The following PASD1 variants were observed in gnomAD, a reference collection of about 807,000 sequenced individuals.
The protein encoded by PASD1 is PAS domain containing repressor 1, also known as circadian clock protein PASD1.
PASD1 carries 13 observed loss-of-function variants against 58.8 expected under a neutral mutation model. The ratio of observed to expected loss-of-function variants is 0.22; its 90% CI spans 0.14 to 0.35. The LOEUF is 0.35. Among genes scored for constraint, PASD1 ranks in the 10% least tolerant of loss-of-function variants. The pLI is 1.00. For missense variants in PASD1, 734 were observed against 568.3 expected, an observed-to-expected ratio of 1.29 and a Z score of -2.96; for synonymous variants, 236 against 216.7, an observed-to-expected ratio of 1.09 and a Z score of -0.78.
intron 15 of PASD1, among the ~76,000 whole-genome samples, 186 bp downstream of exon 15, chrX:151,674,372 G>A (rs989576318): frequency 8.9e-6 from 1 of 112,125 alleles, no homozygotes; most frequent in Non-Finnish European, 1.9e-5. Flanking sequence ...TTCTCTACAG[G>A]GTTCCTCAAA....
chrX:151,577,561 G>T (rs968526262), intron 1 of PASD1, among the ~76,000 whole-genome samples: 1 of 111,613 alleles, frequency 9.0e-6, no homozygotes, highest in South Asian at 3.8e-4. Flanking sequence ...GTCTTGCTCT[G>T]TTGCCCAGGC....
chrX:151,612,266 A>G (rs2013574364), intron 4 of PASD1, among the ~76,000 whole-genome samples: 1 of 98,415 alleles, frequency 1.0e-5, no homozygotes, highest in African/African-American at 3.8e-5. Flanking sequence ...GAATAGTGCC[A>G]CAGTAAACAT....
chrX:151,642,267 G>GT (rs1406117329), intron 8 of PASD1, among the ~76,000 whole-genome samples: 2 of 111,513 alleles, frequency 1.8e-5, no homozygotes, highest in African/African-American at 6.5e-5. Context: ...ACCTGCTCGT[G>GT]TTTTTTCAAA....
chrX:151,588,566 A>C (rs1023813594), intron 1 of PASD1, among the ~76,000 whole-genome samples: 1 of 111,377 alleles, frequency 9.0e-6, no homozygotes, highest in Non-Finnish European at 1.9e-5. Context: ...GAGGGAGGAC[A>C]GACTGATCTG....
chrX:151,570,324 T>C (rs1292220147), intron 1 of PASD1, among the ~76,000 whole-genome samples: 2 of 112,420 alleles, frequency 1.8e-5, no homozygotes. Context: ...TTCACAGCCA[T>C]GTAAAATAGA....
At chrX:151,622,864 A>G (rs1388212311) in intron 6 of PASD1, 73 bp from the exon 7 acceptor site, 26 of 1,063,765 alleles carry the variant, frequency 2.4e-5, no homozygotes. Context: ...CAGCACATGG[A>G]TGTGTCAGGT....
chrX:151,624,883 A>G (rs1272204364), intron 7 of PASD1, among the ~76,000 whole-genome samples: 3 of 112,037 alleles, frequency 2.7e-5, no homozygotes, highest in Non-Finnish European at 5.6e-5. Flanking sequence ...CAGTTGCCCC[A>G]TTCATTATTC....
chrX:151,613,952 T>C (rs1414289756), intron 4 of PASD1, among the ~76,000 whole-genome samples: 1 of 111,019 alleles, frequency 9.0e-6, no homozygotes, highest in African/African-American at 3.3e-5. Context: ...TCCTTATTCT[T>C]ACTATAACTT....
At chrX:151,608,430 A>G (rs943753992) in intron 3 of PASD1, among the ~76,000 whole-genome samples, 1 of 111,586 alleles carries the variant, frequency 9.0e-6, no homozygotes, top group Non-Finnish European at 1.9e-5. Flanking sequence ...AGATTCTGGA[A>G]ACGAATCACT....
rs191056517 is a variant in PASD1, at chrX:151,640,665, A to G, written c.630-7950A>G. ...ATTTCTCCTGGAATGAATTTTCCAC[A>G]AATATATGATGGGGAACTGTGTAGC... On this transcript the variant is annotated intron_variant, in intron 8 of 15. Transcript: ENST00000370357. Among the ~76,000 whole-genome samples the G allele has an allele frequency of 3.0e-3, 338 of 111,801 alleles. 3 individuals are homozygous for G. The highest frequency in any genetic ancestry group is 5.3e-3 in the Non-Finnish European group (284 of 53,149).
At chrX:151,575,350 T>C (rs2012988304) in intron 1 of PASD1, among the ~76,000 whole-genome samples, 1 of 111,033 alleles carries the variant, frequency 9.0e-6, no homozygotes, top group South Asian at 3.9e-4. Context: ...TCTCTTACCT[T>C]TATTTTCAGT....
chrX:151,655,298 A>G (rs7051671), intron 9 of PASD1, among the ~76,000 whole-genome samples: 28,116 of 101,987 alleles, frequency 0.28, 4,551 homozygotes, highest in Middle Eastern at 0.44. Flanking sequence ...ATTGTGAATA[A>G]TGCCACAATA....
At chrX:151,608,444 T>G (rs1261019731) in intron 3 of PASD1, among the ~76,000 whole-genome samples, 1 of 111,775 alleles carries the variant, frequency 8.9e-6, no homozygotes, top group Non-Finnish European at 1.9e-5. Context: ...AATCACTTGC[T>G]AGTTATGTGT....
In PASD1 at chrX:151,672,204, C is replaced by G. The variant is rs1368157438; in HGVS notation, c.1459C>G (p.Gln487Glu). 17 of 1,157,412 alleles carry G rather than the reference C, an allele frequency of 1.5e-5. No individual in the cohort carries two copies. Among genetic ancestry groups the G allele is most frequent in the Non-Finnish European group, 2.0e-5 (17 of 870,316 alleles). Residue 487 changes from glutamine to glutamate, a missense_variant, in exon 14 of 16, where the codon CAA becomes GAA. Transcript: ENST00000370357. ...FNQQQLVQQEQHLKEQQRQLR... is the reference protein window; with the variant it reads ...FNQQQLVQQEEHLKEQQRQLR... ...GCAGCAGCAACTGGTGCAGCAAGAA[C>G]AACACCTGAAGGAGCAGCAGCGGCA...
intron 8 of PASD1, among the ~76,000 whole-genome samples, chrX:151,643,057 A>C (rs1004033783): frequency 2.7e-5 from 3 of 112,006 alleles, no homozygotes; most frequent in Non-Finnish European, 5.6e-5. Flanking sequence ...CGATAGTCTT[A>C]AACTCTGCCA....
At chrX:151,627,345 TCCCTCCCCACTCCC>T (rs1393687603) in intron 8 of PASD1, among the ~76,000 whole-genome samples, 1 of 109,681 alleles carries the variant, frequency 9.1e-6, no homozygotes, top group African/African-American at 3.3e-5. Flanking sequence ...CCTAATGCTA[TCCCTCCCCACTCCC>T]CCCACCCCAC....
chrX:151,653,747 CTTCCTTCTTTCTTTCTTTCTTTCTTTCT>C (rs1198369827), intron 9 of PASD1, among the ~76,000 whole-genome samples: 3,293 of 39,523 alleles, frequency 0.083, 571 homozygotes, highest in Middle Eastern at 0.18. Context: ...TCTTTCTTTC[CTTCCTTCTTTCTTTCTTTCTTTCTTTCT>C]TTCTTTCTTT....
intron 1 of PASD1, among the ~76,000 whole-genome samples, chrX:151,575,090 G>C (rs2012983365): frequency 8.9e-6 from 1 of 111,983 alleles, no homozygotes; most frequent in African/African-American, 3.2e-5. Flanking sequence ...GGACAAAATA[G>C]CATGAGAAAG....
chrX:151,577,468 T>C (rs887340664), intron 1 of PASD1, among the ~76,000 whole-genome samples: 1 of 112,311 alleles, frequency 8.9e-6, no homozygotes, highest in Non-Finnish European at 1.9e-5. Context: ...GACAGAGACA[T>C]ATACCATAAT....
Sources: gnomAD v4.1 joint callset for allele counts (sites outside exome capture counted in the v4.1 genomes callset) on GRCh38, gnomAD v4.1.1 for gene constraint, MANE v1.5 for transcripts, NCBI Gene and HGNC (gene_info 2026-07-23, HGNC 2026-07-21) for gene names.